GBE1: variants seen among roughly 807,000 people sequenced by gnomAD.
GBE1 encodes 1,4-alpha-glucan branching enzyme 1.
A neutral mutation model predicts 88.8 loss-of-function variants in GBE1; 70 were observed. The observed-to-expected ratio is 0.79, with a 90% confidence interval of 0.65 to 0.96. The LOEUF is 0.96. Among genes scored for constraint, GBE1 ranks in the 40% least tolerant of loss-of-function variants. The pLI, the probability that GBE1 is intolerant of heterozygous loss-of-function variation, is 0.00. For missense variants in GBE1, 872 were observed against 871.0 expected, an observed-to-expected ratio of 1.00 and a Z score of -0.01; for synonymous variants, 284 against 300.1, an observed-to-expected ratio of 0.95 and a Z score of 0.56.
At chr3:81,501,339 G>A (rs1028894935) in intron 14 of GBE1, among the ~76,000 whole-genome samples, 3 of 152,142 alleles carry the variant, frequency 2.0e-5, no homozygotes, top group African/African-American at 7.2e-5. Flanking sequence ...GTCTGGTGAC[G>A]AGAATGTCCT....
At chr3:81,625,716 A>G (rs1457993149) in intron 7 of GBE1, among the ~76,000 whole-genome samples, 24 of 152,208 alleles carry the variant, frequency 1.6e-4, no homozygotes, top group Admixed American at 1.5e-3. Flanking sequence ...TGCTGAGATT[A>G]CAGGACAGTC....
chr3:81,704,462 T>C (rs1576206179), intron 2 of GBE1, among the ~76,000 whole-genome samples: 1 of 151,924 alleles, frequency 6.6e-6, no homozygotes, highest in African/African-American at 2.4e-5. Context: ...ACCCCAAAAA[T>C]TCCCTCACGT....
chr3:81,501,387 C>T (rs780040509), intron 14 of GBE1, among the ~76,000 whole-genome samples: 1 of 152,104 alleles, frequency 6.6e-6, no homozygotes, highest in East Asian at 1.9e-4. Context: ...TTTTCACGGG[C>T]AATTTTATGA....
At chr3:81,534,175 A>T (rs1703044336) in intron 14 of GBE1, among the ~76,000 whole-genome samples, 1 of 151,766 alleles carries the variant, frequency 6.6e-6, no homozygotes, top group Non-Finnish European at 1.5e-5. Flanking sequence ...CTGCTTGAAA[A>T]ATTGTGCTGA....
chr3:81,609,872 G>A (rs571968151), intron 7 of GBE1, among the ~76,000 whole-genome samples: 3 of 152,206 alleles, frequency 2.0e-5, no homozygotes, highest in African/African-American at 7.2e-5. Context: ...ATAGAGTCTC[G>A]TAGAGCTCAA....
Position 81,594,017 on chromosome 3 carries a change from T to G in GBE1, c.999A>C (p.Glu333Asp). The change falls in exon 8 of 16, where the codon GAA becomes GAC. Residue 333 changes from glutamate (E) to aspartate (D), a missense_variant. Physicochemically the swap from Glu to Asp is conservative, Grantham distance 45 (BLOSUM62 2). Coordinates refer to ENST00000429644, the MANE Select transcript of GBE1 (RefSeq NM_000158.4). Reference sequence around the variant, plus strand: ...TGTTTGACAGAAGGAATCTTAAAATTTCCCAGCTAAAATATAAGAGAAATA... The same window carrying G: ...TGTTTGACAGAAGGAATCTTAAAATGTCCCAGCTAAAATATAAGAGAAATA... ...DSRLFAYSSW[E>D]ILRFLLSNIR... 7.1e-7 allele frequency: 1 copy of G among 1,417,960 alleles called. No individual in the cohort carries two copies. Among genetic ancestry groups the G allele is most frequent in the East Asian group, 2.4e-5 (1 of 41,900 alleles). The allele number at this position is 1,417,960 out of a possible 1,614,324, so 87.8% of individuals were successfully genotyped here.
chr3:81,739,304 T>C lies in GBE1; in HGVS notation c.143+22071A>G, dbSNP rs553976919. 3.9e-5 allele frequency among the ~76,000 whole-genome samples: 6 copies of C among 152,282 alleles called. No homozygotes were observed. In the South Asian group the frequency reaches 8.3e-4, roughly 21 times the overall value. ...CTTTTAACCACTGCAGGATACACTG[T>C]CAGCCTACCCAGCAGTGATTTTATA... On this transcript the variant is annotated intron_variant, in intron 1 of 15. Transcript: ENST00000429644.
chr3:81,724,327 C>T (rs914751073), intron 1 of GBE1, among the ~76,000 whole-genome samples: 1 of 152,116 alleles, frequency 6.6e-6, no homozygotes, highest in Non-Finnish European at 1.5e-5. Context: ...TTCTTATTAA[C>T]ATTCTAAATT....
At chr3:81,556,883 CA>C (rs1703356335) in intron 12 of GBE1, among the ~76,000 whole-genome samples, 1 of 152,026 alleles carries the variant, frequency 6.6e-6, no homozygotes, top group South Asian at 2.1e-4. Context: ...AATTTTAGGA[CA>C]ACTTAAAATT....
intron 12 of GBE1, among the ~76,000 whole-genome samples, chr3:81,552,643 T>C (rs1166102518): frequency 6.6e-6 from 1 of 151,444 alleles, no homozygotes. Context: ...TGTGGTAGAA[T>C]GAATATAAAC....
intron 1 of GBE1, among the ~76,000 whole-genome samples, chr3:81,745,466 A>C (rs1706408519): frequency 6.6e-6 from 1 of 152,088 alleles, no homozygotes; most frequent in South Asian, 2.1e-4. Context: ...CATCACCTGG[A>C]AACTTCTTAG....
At chr3:81,643,845 G>A (rs768120973) in intron 6 of GBE1, among the ~76,000 whole-genome samples, 2 of 152,100 alleles carry the variant, frequency 1.3e-5, no homozygotes, top group Non-Finnish European at 2.9e-5. Flanking sequence ...ATAAGATCAT[G>A]TTACCTACTT....
intron 14 of GBE1, among the ~76,000 whole-genome samples, chr3:81,525,651 C>T (rs1702933357): frequency 1.3e-5 from 2 of 152,028 alleles, no homozygotes; most frequent in South Asian, 4.1e-4. Context: ...GGCTGTGAAT[C>T]CATCTGGTCC....
intron 1 of GBE1, among the ~76,000 whole-genome samples, chr3:81,725,926 T>C (rs1706105915): frequency 6.6e-6 from 1 of 152,172 alleles, no homozygotes; most frequent in South Asian, 2.1e-4. Flanking sequence ...TTCCAAATGT[T>C]CCAAGCAGTC....
intron 12 of GBE1, among the ~76,000 whole-genome samples, chr3:81,542,529 AT>A (rs1256121830): frequency 6.6e-6 from 1 of 152,070 alleles, no homozygotes; most frequent in African/African-American, 2.4e-5. Context: ...ATATTTCTTA[AT>A]GTATATGTTT....
intron 3 of GBE1, among the ~76,000 whole-genome samples, chr3:81,654,322 AGT>A (rs60856895): frequency 2.3e-4 from 34 of 149,944 alleles, no homozygotes; most frequent in South Asian, 4.2e-4. Context: ...AAGACAAAAA[AGT>A]GTGTGTGTGT....
At chr3:81,624,160 T>C (rs6806579) in intron 7 of GBE1, among the ~76,000 whole-genome samples, 98,256 of 152,016 alleles carry the variant, frequency 0.65, 33,098 homozygotes, top group East Asian at 0.92. Flanking sequence ...CTTCACAAGG[T>C]GGCAGGAAAG....
At chr3:81,698,572 C>T (rs1705637869) in intron 2 of GBE1, among the ~76,000 whole-genome samples, 2 of 152,088 alleles carry the variant, frequency 1.3e-5, no homozygotes, top group South Asian at 4.1e-4. Flanking sequence ...CTGAGATTTT[C>T]CCAATATTCA....
intron 3 of GBE1, among the ~76,000 whole-genome samples, chr3:81,653,855 C>A (rs578131270): frequency 6.6e-6 from 1 of 152,034 alleles, no homozygotes; most frequent in Non-Finnish European, 1.5e-5. Context: ...TTTAGCTATA[C>A]GTTTTGATAT....
Sources: gnomAD v4.1 joint callset for allele counts (sites outside exome capture counted in the v4.1 genomes callset) on GRCh38, gnomAD v4.1.1 for gene constraint, MANE v1.5 for transcripts, NCBI Gene and HGNC (gene_info 2026-07-23, HGNC 2026-07-21) for gene names.